The following NBEAL1 variants were observed in gnomAD, a reference collection of about 807,000 sequenced individuals.
NBEAL1 encodes neurobeachin-like protein 1.
A neutral mutation model predicts 351.3 loss-of-function variants in NBEAL1; 273 were observed. That is an observed-to-expected ratio of 0.78 (90% CI 0.70 to 0.86). NBEAL1 has a LOEUF of 0.86. Ranked by LOEUF, NBEAL1 falls within the 40% of genes least tolerant of loss-of-function variation. The pLI, the probability that NBEAL1 is intolerant of heterozygous loss-of-function variation, is 0.00. For missense variants in NBEAL1, 2,961 were observed against 3,201.3 expected, an observed-to-expected ratio of 0.92 and a Z score of 1.81; for synonymous variants, 1,050 against 1,086.4, an observed-to-expected ratio of 0.97 and a Z score of 0.66.
chr2:203,190,684 T>A, intron 46 of NBEAL1: 1 of 216,480 alleles, frequency 4.6e-6, no homozygotes, highest in Non-Finnish European at 7.2e-6. Flanking sequence ...GTCTTAAGAA[T>A]CAAATTGCTC....
In NBEAL1 at chr2:203,186,617, A is replaced by AAAAT. The variant is rs201998154; in HGVS notation, c.6706-1832_6706-1829dup. 2.3e-3 allele frequency among the ~76,000 whole-genome samples: 350 copies of AAAAT among 152,080 alleles called. 7 individuals are homozygous for AAAAT. The highest frequency in any genetic ancestry group is 0.019 in the East Asian group (99 of 5,174). Reference sequence around the variant, plus strand: ...ACTAAGTCATTCTTTTTATTCCATAAAAATAAATAAATAAATAAATAAATA... The same window carrying AAAAT: ...ACTAAGTCATTCTTTTTATTCCATAAAAATAAATAAATAAATAAATAAATAAATA... On this transcript the variant is annotated intron_variant, in intron 44 of 55. Transcript: ENST00000683969.
intron 51 of NBEAL1, among the ~76,000 whole-genome samples, chr2:203,206,909 C>T (rs1376725340): frequency 3.3e-5 from 5 of 151,346 alleles, no homozygotes; most frequent in Non-Finnish European, 2.9e-5. Flanking sequence ...GCCCTTCTGC[C>T]TGGCTGCCCA....
Position 203,217,442 on chromosome 2 carries a change from G to A in NBEAL1, c.*88G>A. On this transcript the variant is annotated 3_prime_UTR_variant, in exon 56 of 56. Transcript: ENST00000683969. ...ACATCTCTCAACTCTCTGCAATGTTGCAAGGCTTTTATCCCTGAAAATCAT... is the reference window on the plus strand; with the variant it reads ...ACATCTCTCAACTCTCTGCAATGTTACAAGGCTTTTATCCCTGAAAATCAT... 7.3e-7 allele frequency: 1 copy of A among 1,369,720 alleles called. No individual in the cohort carries two copies. Among genetic ancestry groups the A allele is most frequent in the South Asian group, 1.9e-5 (1 of 51,336 alleles). The allele number at this position is 1,369,720 out of a possible 1,614,324, so 84.8% of individuals were successfully genotyped here.
At chr2:203,122,376 AC>A in intron 19 of NBEAL1, 33 bp downstream of exon 19, 1 of 1,266,452 alleles carries the variant, frequency 7.9e-7, no homozygotes, top group East Asian at 2.6e-5. Context: ...GCAACATCTT[AC>A]ATAATTTACT....
chr2:203,199,223 C>A (rs1359888614), intron 48 of NBEAL1, 115 bp from the exon 49 acceptor site: 16 of 571,508 alleles, frequency 2.8e-5, no homozygotes. Context: ...TTGAAGTACA[C>A]AGTCTCACAG....
At chr2:203,111,005 C>A (rs1388879079) in intron 15 of NBEAL1, among the ~76,000 whole-genome samples, 2 of 151,762 alleles carry the variant, frequency 1.3e-5, no homozygotes, top group Non-Finnish European at 2.9e-5. Flanking sequence ...ACCTTGTGAT[C>A]CGCCCATCTC....
chr2:203,078,524 A>G (rs755300627), intron 8 of NBEAL1, among the ~76,000 whole-genome samples: 104 of 152,186 alleles, frequency 6.8e-4, no homozygotes, highest in Non-Finnish European at 1.4e-3. Flanking sequence ...TATTTTTAGC[A>G]AACATGAGGT....
intron 31 of NBEAL1, among the ~76,000 whole-genome samples, chr2:203,142,803 A>T (rs921694041): frequency 6.6e-6 from 1 of 151,880 alleles, no homozygotes; most frequent in Admixed American, 6.6e-5. Context: ...AATTTATTGG[A>T]CTCTTGGAAT....
chr2:203,079,623 A>G (rs777771151), intron 8 of NBEAL1, among the ~76,000 whole-genome samples: 82 of 152,260 alleles, frequency 5.4e-4, no homozygotes, highest in Admixed American at 2.9e-3. Flanking sequence ...TCTTACTAGC[A>G]TCAGTGTACT....
At chr2:203,098,629 T>G (rs1230795025) in intron 11 of NBEAL1, among the ~76,000 whole-genome samples, 2 of 152,172 alleles carry the variant, frequency 1.3e-5, no homozygotes, top group Non-Finnish European at 2.9e-5. Context: ...GCCCTGGAAT[T>G]TAACATATCT....
At chr2:203,209,040 A>G in intron 52 of NBEAL1, 121 bp from the exon 53 acceptor site, 1 of 788,194 alleles carries the variant, frequency 1.3e-6, no homozygotes, top group South Asian at 2.1e-5. Context: ...TGTATCCTTG[A>G]TGGAATAATC....
rs925657618 is a variant in NBEAL1, at chr2:203,221,485, A to C, written c.*4131A>C. Among the ~76,000 whole-genome samples, 3 of 152,012 alleles carry C rather than the reference A, an allele frequency of 2.0e-5. No homozygotes were observed. Among genetic ancestry groups the C allele is most frequent in the Non-Finnish European group, 4.4e-5 (3 of 67,976 alleles). ...CTGTCTTCTGGAAACAGGTTCTTGA[A>C]CCTATCTTTAGGATACAGTTTTTGA... is the stretch of plus-strand genomic sequence containing the variant. On this transcript the variant is annotated 3_prime_UTR_variant, in exon 56 of 56. Transcript: ENST00000683969.
At chr2:203,114,076 C>A (rs369098083) in intron 17 of NBEAL1, among the ~76,000 whole-genome samples, 1 of 152,260 alleles carries the variant, frequency 6.6e-6, no homozygotes, top group African/African-American at 2.4e-5. Context: ...CCCACCTCAG[C>A]CTCCCAAAGT....
intron 8 of NBEAL1, among the ~76,000 whole-genome samples, chr2:203,080,372 A>G (rs965600259): frequency 3.3e-5 from 5 of 152,166 alleles, no homozygotes; most frequent in African/African-American, 1.2e-4. Context: ...AGATCGCACC[A>G]CTGCACTCCA....
intron 39 of NBEAL1, among the ~76,000 whole-genome samples, chr2:203,171,330 C>T (rs2106409497): frequency 6.6e-6 from 1 of 151,908 alleles, no homozygotes; most frequent in Non-Finnish European, 1.5e-5. Flanking sequence ...TTATTCTGGG[C>T]ATGGTGGCAT....
At position 203,151,513 on chromosome 2, in the gene NBEAL1, C is replaced by T. The variant is rs765303039; in HGVS notation, c.5511C>T (p.Ser1837=). 1 of 1,609,660 alleles carries T rather than the reference C, an allele frequency of 6.2e-7. No individual in the cohort carries two copies. ...HWKLANVENY[S]RMRLKLVPNY... is the part of the protein sequence containing the mutation. Reference sequence around the variant, plus strand: ...AGCTAGCTAATGTAGAGAATTATTCCCGCATGAGACTTAAGCTGGTACCGA... The same window carrying T: ...AGCTAGCTAATGTAGAGAATTATTCTCGCATGAGACTTAAGCTGGTACCGA... The change falls in exon 35 of 56, where the codon TCC becomes TCT. Residue 1837 remains serine, a synonymous_variant. Coordinates refer to ENST00000683969, the MANE Select transcript of NBEAL1 (RefSeq NM_001378026.1).
In NBEAL1 at chr2:203,180,391, T is replaced by G. The variant is rs1442001490; in HGVS notation, c.6474T>G (p.Cys2158Trp). ...TAATTTCTACATGCAGGTTTGACTG[T>G]GCAGATCGACAGTTCCATTCTATTC... ...HIQLQSGRFD[C>W]ADRQFHSIPA... Residue 2158 changes from cysteine to tryptophan, a missense_variant, in exon 43 of 56, where the codon TGT becomes TGG. Physicochemically the swap from Cys to Trp is radical, Grantham distance 215. Coordinates refer to ENST00000683969, the MANE Select transcript of NBEAL1 (RefSeq NM_001378026.1). 1 of 1,610,310 alleles carries G rather than the reference T, an allele frequency of 6.2e-7. No homozygotes were observed. Among genetic ancestry groups the G allele is most frequent in the Non-Finnish European group, 8.5e-7 (1 of 1,178,884 alleles).
In NBEAL1 at chr2:203,108,007, CTA is replaced by C; in HGVS notation, c.1769_1770del (p.Leu590GlnfsTer14). The C allele has an allele frequency of 6.4e-7, 1 of 1,554,406 alleles. No individual in the cohort carries two copies. The highest frequency in any genetic ancestry group is 8.7e-7 in the Non-Finnish European group (1 of 1,147,898). On this transcript the variant is annotated frameshift_variant, in exon 14 of 56. Coordinates refer to ENST00000683969, the MANE Select transcript of NBEAL1 (RefSeq NM_001378026.1). LOFTEE classifies it high-confidence loss of function. ...TRAILTMARK[L>X]SLESALQYFN... ...AGCAATCCTGACAATGGCCCGAAAACTAAGTCTAGAGAGTGCCCTCCAGTATT... is the reference window on the plus strand; with the variant it reads ...AGCAATCCTGACAATGGCCCGAAAACAGTCTAGAGAGTGCCCTCCAGTATT...
chr2:203,149,714 A>G (rs1358982767), intron 34 of NBEAL1, among the ~76,000 whole-genome samples: 1 of 152,108 alleles, frequency 6.6e-6, no homozygotes, highest in Non-Finnish European at 1.5e-5. Context: ...TACCTATTAA[A>G]AAGTCACTCC....
Sources: allele counts gnomAD v4.1 joint callset (sites outside exome capture counted in the v4.1 genomes callset), GRCh38; gene constraint gnomAD v4.1.1; transcripts MANE v1.5; gene names NCBI Gene and HGNC (gene_info 2026-07-23, HGNC 2026-07-21).